The following THADA variants were observed in gnomAD, a reference collection of about 807,000 sequenced individuals.
THADA encodes the protein THADA armadillo repeat containing.
THADA carries 213 observed loss-of-function variants against 219.8 expected under a neutral mutation model. The observed-to-expected ratio is 0.97, with a 90% CI of 0.87 to 1.09. The LOEUF is 1.09. Among genes scored for constraint, THADA ranks in the 50% least tolerant of loss-of-function variants. The pLI, the probability that THADA is intolerant of heterozygous loss-of-function variation, is 0.00. For synonymous variants in THADA, 1,018 were observed against 828.9 expected (o/e 1.23, Z -3.92); for missense variants, 2,956 against 2,311.3 (o/e 1.28, Z -5.72).
intron 29 of THADA, among the ~76,000 whole-genome samples, chr2:43,346,801 G>A (rs1277468245): frequency 6.6e-6 from 1 of 152,192 alleles, no homozygotes; most frequent in African/African-American, 2.4e-5. Flanking sequence ...TAGCTTTCCT[G>A]ACTCTGCCTG....
At chr2:43,491,088 T>A (rs1308077913) in intron 25 of THADA, among the ~76,000 whole-genome samples, 2 of 152,148 alleles carry the variant, frequency 1.3e-5, no homozygotes, top group Non-Finnish European at 2.9e-5. Context: ...GATATCTGTT[T>A]CAGGTATTGC....
At chr2:43,301,305 C>CAAAAAAAAAAAAAAAAA (rs1676237845) in intron 31 of THADA, among the ~76,000 whole-genome samples, 1 of 152,132 alleles carries the variant, frequency 6.6e-6, no homozygotes, top group Non-Finnish European at 1.5e-5. Context: ...ATAAAAACAC[C>CAAAAAAAAAAAAAAAAA]AAAGGAGAGA....
At chr2:43,588,853 T>C (rs1445746363) in intron 4 of THADA, among the ~76,000 whole-genome samples, 1 of 152,088 alleles carries the variant, frequency 6.6e-6, no homozygotes, top group Non-Finnish European at 1.5e-5. Context: ...TATATAATTA[T>C]ATACATAAGA....
intron 21 of THADA, 73 bp from the exon 22 acceptor site, chr2:43,528,061 G>C (rs2103729791): frequency 1.1e-6 from 1 of 924,982 alleles, no homozygotes; most frequent in South Asian, 1.4e-5. Context: ...CAGTAACACT[G>C]TTTAGAACCC....
chr2:43,368,033 A>G (rs1428972799), intron 29 of THADA, among the ~76,000 whole-genome samples: 1 of 152,078 alleles, frequency 6.6e-6, no homozygotes, highest in Non-Finnish European at 1.5e-5. Flanking sequence ...CAGGAGAATC[A>G]CTTGAACCCG....
chr2:43,543,896 T>A (rs1404913355), intron 20 of THADA, among the ~76,000 whole-genome samples: 1 of 151,982 alleles, frequency 6.6e-6, no homozygotes, highest in African/African-American at 2.4e-5. Flanking sequence ...TTTGTCAATT[T>A]TGGCTTTTGT....
At chr2:43,396,860 T>C (rs1418712516) in intron 29 of THADA, among the ~76,000 whole-genome samples, 1 of 152,040 alleles carries the variant, frequency 6.6e-6, no homozygotes, top group Non-Finnish European at 1.5e-5. Context: ...TCTTGCATTC[T>C]TATTACCTAG....
intron 1 of THADA, chr2:43,592,814 T>C (rs1701714830): frequency 6.5e-6 from 1 of 154,430 alleles, no homozygotes; most frequent in Non-Finnish European, 1.4e-5. Context: ...CTGGGATAGT[T>C]TTTCCAAAGA....
At chr2:43,328,493 A>C (rs2104488239) in intron 30 of THADA, among the ~76,000 whole-genome samples, 1 of 152,324 alleles carries the variant, frequency 6.6e-6, no homozygotes, top group African/African-American at 2.4e-5. Flanking sequence ...TTCCTTTTAA[A>C]GTGAAGCCAT....
intron 29 of THADA, among the ~76,000 whole-genome samples, chr2:43,379,683 C>T (rs545470635): frequency 8.5e-5 from 13 of 152,094 alleles, no homozygotes; most frequent in East Asian, 3.9e-4. Context: ...CCCAGCAATC[C>T]GCTAGGTACT....
chr2:43,298,607 A>T (rs557089251), intron 31 of THADA, among the ~76,000 whole-genome samples: 17 of 120,996 alleles, frequency 1.4e-4, no homozygotes, highest in African/African-American at 4.6e-4. Context: ...AAAAAAAATT[A>T]AAAAAAAAAA....
rs777571919 is a variant in THADA at position 43,549,091 on chromosome 2, A to G, written c.3106+119T>C. The G allele has an allele frequency of 3.4e-4, 328 of 958,212 alleles. 4 individuals carry two copies. The highest frequency in any genetic ancestry group is 3.5e-4 in the Non-Finnish European group (243 of 698,404). The allele number at this position is 958,212 out of a possible 1,614,324, so 59.4% of individuals were successfully genotyped here. A position where few individuals can be genotyped will look rare whatever the true frequency, so the allele number is the denominator to read the frequency against. ...CAAAACAAAATTTTTAAAAAACTTT[A>G]TTTTCTAGAAATGTTCTGCACAGAT... On this transcript the variant is annotated intron_variant, in intron 20 of 37. Coordinates refer to ENST00000405975, the MANE Select transcript of THADA (RefSeq NM_022065.5).
At chr2:43,271,224 G>A (rs1447840689) in intron 36 of THADA, among the ~76,000 whole-genome samples, 2 of 152,236 alleles carry the variant, frequency 1.3e-5, no homozygotes, top group Non-Finnish European at 1.5e-5. Context: ...GCATGATCCA[G>A]TATGGAGTGA....
intron 29 of THADA, among the ~76,000 whole-genome samples, chr2:43,365,217 G>A (rs1024231804): frequency 2.2e-4 from 34 of 152,016 alleles, no homozygotes; most frequent in East Asian, 3.9e-4. Context: ...GAGCCACTGC[G>A]CCTGGCCTCA....
chr2:43,400,524 C>T (rs986166562), intron 28 of THADA, among the ~76,000 whole-genome samples: 5 of 143,146 alleles, frequency 3.5e-5, no homozygotes, highest in Admixed American at 7.0e-5. Context: ...GTTTTGTCGC[C>T]TACTGGCGGC....
chr2:43,578,587 G>C lies in THADA; in HGVS notation c.742C>G (p.Gln248Glu). The C allele has an allele frequency of 6.2e-7, 1 of 1,611,398 alleles. No homozygotes were observed. Among genetic ancestry groups the C allele is most frequent in the Non-Finnish European group, 8.5e-7 (1 of 1,178,122 alleles). The change falls in exon 9 of 38, where the codon CAG (glutamine) becomes GAG (glutamate). Residue 248 changes from glutamine to glutamate, a missense_variant. By Grantham distance (29) the Gln-to-Glu change is conservative. Coordinates refer to ENST00000405975, the MANE Select transcript of THADA (RefSeq NM_022065.5). ...LSDDDLLQTV[Q>E]STSGLAIILF... is the part of the protein sequence containing the mutation. ...ATAATAGCTAATCCAGATGTGCTCT[G>C]TACAGTCTGTAACAGATCATCTATT...
At chr2:43,437,279 T>C (rs1200654352) in intron 26 of THADA, among the ~76,000 whole-genome samples, 3 of 152,186 alleles carry the variant, frequency 2.0e-5, no homozygotes, top group African/African-American at 7.2e-5. Context: ...TAAGATAAAG[T>C]CTGTATAATC....
chr2:43,555,302 T>C (rs193013645), intron 17 of THADA, among the ~76,000 whole-genome samples: 1 of 151,684 alleles, frequency 6.6e-6, no homozygotes, highest in East Asian at 1.9e-4. Context: ...GCTTCAAAGA[T>C]ATGAGTGTTA....
intron 26 of THADA, among the ~76,000 whole-genome samples, chr2:43,484,019 G>C (rs1686572398): frequency 6.6e-6 from 1 of 151,662 alleles, no homozygotes; most frequent in Admixed American, 6.6e-5. Flanking sequence ...ATTTCTTTAA[G>C]AACAGGCTAA....
Sources: allele counts gnomAD v4.1 joint callset (sites outside exome capture counted in the v4.1 genomes callset), GRCh38; gene constraint gnomAD v4.1.1; transcripts MANE v1.5; gene names NCBI Gene and HGNC (gene_info 2026-07-23, HGNC 2026-07-21).